The following LRCH3 variants were observed in gnomAD, a reference collection of about 807,000 sequenced individuals.
LRCH3 encodes the protein leucine rich repeats and calponin homology domain containing 3.
LRCH3 carries 68 observed loss-of-function variants against 104.5 expected under a neutral mutation model. That is an observed-to-expected ratio of 0.65 (90% CI 0.54 to 0.80). The LOEUF is 0.80. Among genes scored for constraint, LRCH3 ranks in the 30% least tolerant of loss-of-function variants. LRCH3 has a pLI of 0.00. For synonymous variants in LRCH3, 344 were observed against 361.3 expected (o/e 0.95, Z 0.54); for missense variants, 951 against 953.9 (o/e 1.00, Z 0.04).
intron 20 of LRCH3, 74 bp downstream of exon 20, chr3:197,875,849 A>C: frequency 2.1e-6 from 2 of 948,872 alleles, no homozygotes; most frequent in South Asian, 1.4e-5. Context: ...GTAAATCTCT[A>C]AAATCTTACA....
Position 197,848,198 on chromosome 3 carries a change from G to C in LRCH3, c.1530+177G>C, listed in dbSNP as rs186457022. 8.5e-6 allele frequency: 5 copies of C among 588,338 alleles called. No homozygotes were observed. In the Admixed American group the frequency reaches 1.7e-4, roughly 20 times the overall value. 36.4% of individuals were successfully genotyped at this position (588,338 alleles called of 1,614,324 possible). On this transcript the variant is annotated intron_variant, in intron 12 of 20. Coordinates refer to ENST00000425562, the MANE Select transcript of LRCH3 (RefSeq NM_001365715.1). Reference sequence around the variant, plus strand: ...GTCTATCTGCATGAGGACAGAACAAGTGATTATCTTGTTAACGGTAAATCT... The same window carrying C: ...GTCTATCTGCATGAGGACAGAACAACTGATTATCTTGTTAACGGTAAATCT...
chr3:197,847,394 TC>T lies in LRCH3; in HGVS notation c.1329-14del. The T allele has an allele frequency of 1.9e-6, 3 of 1,571,606 alleles. No homozygotes were observed. The highest frequency in any genetic ancestry group is 2.6e-6 in the Non-Finnish European group (3 of 1,167,280). On this transcript the variant is annotated splice_polypyrimidine_tract_variant and intron_variant, in intron 10 of 20. Coordinates refer to ENST00000425562, the MANE Select transcript of LRCH3 (RefSeq NM_001365715.1). ...TCAAAGAGTTTTTTTCTTTCTTTTT[TC>T]TTTTTTGGGTCAGGGTTCCAGCTGA...
At chr3:197,813,127 T>A (rs1733379962) in intron 1 of LRCH3, among the ~76,000 whole-genome samples, 1 of 152,210 alleles carries the variant, frequency 6.6e-6, no homozygotes, top group Admixed American at 6.5e-5. Context: ...TGCATATATT[T>A]ATGGGGTCTG....
chr3:197,842,753 A>T (rs113882168), intron 10 of LRCH3, among the ~76,000 whole-genome samples: 2,839 of 152,178 alleles, frequency 0.019, 108 homozygotes, highest in African/African-American at 0.065. Context: ...TTTGAAATTG[A>T]AACTAGCAAA....
chr3:197,807,919 A>G (rs1026960326), intron 1 of LRCH3, among the ~76,000 whole-genome samples: 2 of 152,204 alleles, frequency 1.3e-5, no homozygotes, highest in African/African-American at 4.8e-5. Flanking sequence ...TTTTCTCTAT[A>G]AATATTTAGA....
intron 19 of LRCH3, among the ~76,000 whole-genome samples, chr3:197,873,041 G>A (rs556269578): frequency 6.6e-6 from 1 of 152,158 alleles, no homozygotes; most frequent in Non-Finnish European, 1.5e-5. Flanking sequence ...GGGAGAAAAT[G>A]CATTCAGGAT....
chr3:197,792,173 C>G (rs1261534688), intron 1 of LRCH3, among the ~76,000 whole-genome samples: 2 of 151,724 alleles, frequency 1.3e-5, no homozygotes, highest in Non-Finnish European at 2.9e-5. Flanking sequence ...TTCTTCGCCT[C>G]CATCTAGTTG....
chr3:197,862,865 G>A (rs79390954), intron 15 of LRCH3, among the ~76,000 whole-genome samples: 2 of 152,126 alleles, frequency 1.3e-5, no homozygotes, highest in Non-Finnish European at 1.5e-5. Flanking sequence ...ACTGCCTTAC[G>A]AGCTCAGCTC....
chr3:197,885,002 T>C lies in LRCH3; in HGVS notation c.*1336T>C, dbSNP rs1714085280. On this transcript the variant is annotated 3_prime_UTR_variant, in exon 21 of 21. Transcript: ENST00000425562. ...CCCTTCAACTGCAGTCATACCATCATAGAAGATAGTTCTATGTCATCCTGT... is the reference window on the plus strand; with the variant it reads ...CCCTTCAACTGCAGTCATACCATCACAGAAGATAGTTCTATGTCATCCTGT... 6.6e-6 allele frequency: 1 copy of C among 152,340 alleles called. No individual in the cohort carries two copies. The highest frequency in any genetic ancestry group is 1.5e-5 in the Non-Finnish European group (1 of 68,056). 9.4% of individuals were successfully genotyped at this position (152,340 alleles called of 1,614,324 possible).
rs1411627788 is a variant in LRCH3, at chr3:197,887,253, T to G, written c.*3587T>G. ...AGCACAATTCGGTTTAACATTTAGC[T>G]TTGCTTGACTCCAGTGTAAGATGAA... On this transcript the variant is annotated 3_prime_UTR_variant, in exon 21 of 21. Coordinates refer to ENST00000425562, the MANE Select transcript of LRCH3 (RefSeq NM_001365715.1). 2 of 152,454 alleles carry G rather than the reference T, an allele frequency of 1.3e-5. No homozygotes were observed. The highest frequency in any genetic ancestry group is 3.9e-4 in the East Asian group (2 of 5,180). The allele number at this position is 152,454 out of a possible 1,614,324, so 9.4% of individuals were successfully genotyped here.
chr3:197,880,258 C>T (rs1241122915), intron 20 of LRCH3, among the ~76,000 whole-genome samples: 5 of 140,592 alleles, frequency 3.6e-5, no homozygotes, highest in Non-Finnish European at 5.9e-5. Context: ...GTATTGTATT[C>T]TTAATGTTCA....
At chr3:197,793,223 A>G (rs1730829730) in intron 1 of LRCH3, among the ~76,000 whole-genome samples, 1 of 152,252 alleles carries the variant, frequency 6.6e-6, no homozygotes, top group South Asian at 2.1e-4. Context: ...AAACTAAAGA[A>G]GCGATTCTTT....
chr3:197,808,532 G>T (rs1353047247), intron 1 of LRCH3, among the ~76,000 whole-genome samples: 1 of 152,162 alleles, frequency 6.6e-6, no homozygotes, highest in African/African-American at 2.4e-5. Flanking sequence ...ATTCATCTGA[G>T]AATGTGTTGA....
intron 17 of LRCH3, among the ~76,000 whole-genome samples, chr3:197,868,901 G>A (rs1349129555): frequency 6.6e-6 from 1 of 152,172 alleles, no homozygotes; most frequent in Non-Finnish European, 1.5e-5. Flanking sequence ...AAACCTGATT[G>A]TGTTCACTTG....
intron 20 of LRCH3, among the ~76,000 whole-genome samples, chr3:197,877,768 T>C (rs1252486851): frequency 2.6e-5 from 4 of 151,946 alleles, no homozygotes; most frequent in Non-Finnish European, 5.9e-5. Flanking sequence ...TTTCTTTTGC[T>C]GTTTTTTTTT....
At chr3:197,843,848 A>G (rs955195594) in intron 10 of LRCH3, among the ~76,000 whole-genome samples, 2 of 152,222 alleles carry the variant, frequency 1.3e-5, no homozygotes, top group African/African-American at 2.4e-5. Flanking sequence ...TCATTCAAGC[A>G]ATATTTCTTA....
chr3:197,845,406 C>CAA (rs370414681), intron 10 of LRCH3, among the ~76,000 whole-genome samples: 111 of 85,808 alleles, frequency 1.3e-3, no homozygotes, highest in African/African-American at 3.1e-3. Context: ...GAGACTCTGT[C>CAA]AAAAAAAAAA....
intron 11 of LRCH3, 56 bp downstream of exon 11, chr3:197,847,516 C>A: frequency 2.1e-6 from 3 of 1,459,782 alleles, no homozygotes; most frequent in Non-Finnish European, 2.8e-6. Context: ...GATTTTTTTT[C>A]TTTTATAATA....
chr3:197,844,862 C>T (rs560566274), intron 10 of LRCH3, among the ~76,000 whole-genome samples: 9 of 152,000 alleles, frequency 5.9e-5, no homozygotes, highest in East Asian at 1.9e-4. Context: ...CTTTGTGATC[C>T]GCCCGCCTCG....
Sources: gnomAD v4.1 joint callset for allele counts (sites outside exome capture counted in the v4.1 genomes callset) on GRCh38, gnomAD v4.1.1 for gene constraint, MANE v1.5 for transcripts, NCBI Gene and HGNC (gene_info 2026-07-23, HGNC 2026-07-21) for gene names.